Variants in CABP4 observed in about 807,000 individuals in gnomAD.
The protein encoded by CABP4 is calcium-binding protein 4.
In CABP4, 30 loss-of-function variants were observed where a neutral mutation model predicts 30.7. That is an observed-to-expected ratio of 0.98 (90% CI 0.73 to 1.33). CABP4 has a LOEUF of 1.33. Ranked by LOEUF, CABP4 falls within the 40% of genes most tolerant of loss-of-function variation. CABP4 has a pLI of 0.00. For missense variants in CABP4, 424 were observed against 395.5 expected, an observed-to-expected ratio of 1.07 and a Z score of -0.61; for synonymous variants, 161 against 159.2, an observed-to-expected ratio of 1.01 and a Z score of -0.08.
At chr11:67,452,626 C>G, upstream of CABP4, 1 of 1,613,706 alleles carries the variant, frequency 6.2e-7, no homozygotes, top group South Asian at 1.1e-5. Context: ...CCAGGAAGAC[C>G]GTGTCCCAGC....
chr11:67,458,590 C>T (rs748398641), intron 5 of CABP4, 41 bp from the exon 6 acceptor site: 1 of 1,614,170 alleles, frequency 6.2e-7, no homozygotes, highest in Non-Finnish European at 8.5e-7. Context: ...CCTGGGATCC[C>T]TGACGTGGAC....
chr11:67,452,676 G>A (rs377022444), upstream of CABP4: 193 of 1,600,566 alleles, frequency 1.2e-4, no homozygotes, highest in Non-Finnish European at 1.6e-4. Context: ...AGCTCTGTGC[G>A]GGGCCTGTGG....
At chr11:67,452,697 C>T, upstream of CABP4, 1 of 1,585,428 alleles carries the variant, frequency 6.3e-7, no homozygotes, top group South Asian at 1.1e-5. Context: ...CCAGTGGCAC[C>T]CAGGTCAGCT....
In CABP4 at chr11:67,458,393, G is replaced by T. The variant is rs200848734; in HGVS notation, c.674G>T (p.Arg225Leu). 29 of 1,612,806 alleles carry T rather than the reference G, an allele frequency of 1.8e-5. No individual in the cohort carries two copies. The highest frequency in any genetic ancestry group is 2.4e-5 in the Non-Finnish European group (28 of 1,179,130). Reference protein sequence around the residue: ...FREFDRDRDGRITVAELREAV... With the variant: ...FREFDRDRDGLITVAELREAV... ...TAGTTTGACAGGGACAGGGATGGAC[G>T]AATTACGGTGGCGGAGCTGCGGGAG... Residue 225 changes from arginine to leucine, a missense_variant, in exon 5 of 6, where the codon CGA (arginine) becomes CTA (leucine). By Grantham distance (102) the Arg-to-Leu change is moderately radical (BLOSUM62 -2). Transcript: ENST00000325656.
At chr11:67,454,909 C>T (rs1287256559), upstream of CABP4, among the ~76,000 whole-genome samples, 2 of 152,204 alleles carry the variant, frequency 1.3e-5, no homozygotes, top group East Asian at 3.9e-4. Flanking sequence ...CAGGATGTCA[C>T]CCATGGGGGG....
rs148140510 is a variant in CABP4, at chr11:67,455,665, C to T, written c.242C>T (p.Ala81Val). 343 of 1,609,330 alleles carry T rather than the reference C, an allele frequency of 2.1e-4. No homozygotes were observed. Among genetic ancestry groups the T allele is most frequent in the Middle Eastern group, 1.7e-3 (10 of 6,058 alleles). Residue 81 changes from alanine to valine, a missense_variant, in exon 1 of 6, where the codon GCG (alanine) becomes GTG (valine). Coordinates refer to ENST00000325656, the MANE Select transcript of CABP4 (RefSeq NM_145200.5). ...NNPPSTGEGP[A>V]GAPPASPGPA... ...CCTCCCAGCACTGGAGAGGGGCCGG[C>T]GGGCGCACCCCCTGCATCCCCTGGG...
rs1478080721 is a variant in CABP4, at chr11:67,460,130, A to G, written c.*1471A>G. 1 of 152,250 alleles carries G rather than the reference A, an allele frequency of 6.6e-6. No individual in the cohort carries two copies. The highest frequency in any genetic ancestry group is 1.5e-5 in the Non-Finnish European group (1 of 68,056). The allele number at this position is 152,250 out of a possible 1,614,324, so 9.4% of individuals were successfully genotyped here. A position where few individuals can be genotyped will look rare whatever the true frequency, so the allele number is the denominator to read the frequency against. On this transcript the variant is annotated 3_prime_UTR_variant, in exon 6 of 6. Coordinates refer to ENST00000325656, the MANE Select transcript of CABP4 (RefSeq NM_145200.5). Reference sequence around the variant, plus strand: ...GGGGAAGAGAGATCAACATGCAGTAACAGGATAGTATGAAGAGAGAACCGG... The same window carrying G: ...GGGGAAGAGAGATCAACATGCAGTAGCAGGATAGTATGAAGAGAGAACCGG...
At position 67,459,014 on chromosome 11, in the gene CABP4, A is replaced by G. The variant is rs1591006160; in HGVS notation, c.*355A>G. On this transcript the variant is annotated 3_prime_UTR_variant, in exon 6 of 6. Coordinates refer to ENST00000325656, the MANE Select transcript of CABP4 (RefSeq NM_145200.5). ...CATGATGAATGGAGAGGATGGCTGG[A>G]CCCCTTCCACTACTTATGTTTATAA... 1 of 373,892 alleles carries G rather than the reference A, an allele frequency of 2.7e-6. No homozygotes were observed. The highest frequency in any genetic ancestry group is 5.0e-6 in the Non-Finnish European group (1 of 201,154). The allele number at this position is 373,892 out of a possible 1,614,324, so 23.2% of individuals were successfully genotyped here.
upstream of CABP4, chr11:67,455,280 C>G: frequency 1.7e-6 from 2 of 1,164,572 alleles, no homozygotes; most frequent in Non-Finnish European, 2.4e-6. Flanking sequence ...GCCAGGGCTG[C>G]CTGCCTCACT....
At position 67,455,458 on chromosome 11, in the gene CABP4, C is replaced by G; in HGVS notation, c.35C>G (p.Pro12Arg). ...TTEQARGQQG[P>R]NLAIGRQKPP... ...GAGCAGGCAAGGGGGCAGCAGGGCC[C>G]AAATCTGGCCATTGGCCGTCAGAAG... Residue 12 changes from proline (P) to arginine (R), a missense_variant, in exon 1 of 6, where the codon CCA (proline) becomes CGA (arginine). Physicochemically the swap from Pro to Arg is moderately radical, Grantham distance 103 (BLOSUM62 -2). Transcript: ENST00000325656. The G allele has an allele frequency of 1.2e-6, 2 of 1,611,530 alleles. No homozygotes were observed. Among genetic ancestry groups the G allele is most frequent in the Non-Finnish European group, 1.7e-6 (2 of 1,179,586 alleles).
chr11:67,457,295 C>A (rs957108914), intron 3 of CABP4, among the ~76,000 whole-genome samples: 3 of 152,170 alleles, frequency 2.0e-5, no homozygotes, highest in Non-Finnish European at 4.4e-5. Flanking sequence ...ATGCCACGCA[C>A]ATCAGCAGCA....
rs3835327 is a variant in CABP4 at position 67,459,039 on chromosome 11, AT to A, written c.*394del. ...ACCCCTTCCACTACTTATGTTTATAATTTTTTTTTTTTTTAATGAACTTGAG... is the reference window on the plus strand; with the variant it reads ...ACCCCTTCCACTACTTATGTTTATAATTTTTTTTTTTTTAATGAACTTGAG... On this transcript the variant is annotated 3_prime_UTR_variant, in exon 6 of 6. Transcript: ENST00000325656. 0.085 allele frequency: 19,174 copies of A among 224,672 alleles called. No individual in the cohort carries two copies. Among genetic ancestry groups the A allele is most frequent in the South Asian group, 0.18 (2,913 of 16,376 alleles). The allele number at this position is 224,672 out of a possible 1,614,324, so 13.9% of individuals were successfully genotyped here. A position where few individuals can be genotyped will look rare whatever the true frequency, so the allele number is the denominator to read the frequency against.
chr11:67,452,983 T>TCTACAC, upstream of CABP4: 1 of 398,526 alleles, frequency 2.5e-6, no homozygotes. Context: ...GGAAGGGAGG[T>TCTACAC]GCCAGGGCTC....
intron 2 of CABP4, 28 bp downstream of exon 2, chr11:67,456,246 G>A (rs767093341): frequency 1.2e-6 from 2 of 1,613,632 alleles, no homozygotes; most frequent in Non-Finnish European, 1.7e-6. Flanking sequence ...CTGGCAGGGG[G>A]TGGGAGCTGT....
chr11:67,456,490 G>A (rs372610357), intron 3 of CABP4, 48 bp downstream of exon 3: 43 of 1,598,516 alleles, frequency 2.7e-5, no homozygotes, highest in South Asian at 4.4e-5. Context: ...AGTTCAGGGG[G>A]TCACGAGGGG....
upstream of CABP4, chr11:67,452,975 A>T (rs899173148): frequency 9.6e-6 from 4 of 417,598 alleles, no homozygotes; most frequent in Non-Finnish European, 1.7e-5. Flanking sequence ...TGAAGGTAGG[A>T]AGGGAGGTGC....
Position 67,456,218 on chromosome 11 carries a change from G to T in CABP4, c.397G>T (p.Glu133Ter). The T allele has an allele frequency of 6.2e-7, 1 of 1,613,562 alleles. No individual in the cohort carries two copies. The highest frequency in any genetic ancestry group is 8.5e-7 in the Non-Finnish European group (1 of 1,179,980). Residue 133 changes from glutamate (E) to a stop codon, truncating the protein, a stop_gained and splice_region_variant, in exon 2 of 6, where the codon GAG becomes TAG. Coordinates refer to ENST00000325656, the MANE Select transcript of CABP4 (RefSeq NM_145200.5). LOFTEE classifies it high-confidence loss of function. Reference sequence around the variant, plus strand: ...CGAACTGGGCCCCGAGGAGCTAGACGGTGAGTGGCTCTTGCTGCTGGCAGG... The same window carrying T: ...CGAACTGGGCCCCGAGGAGCTAGACTGTGAGTGGCTCTTGCTGCTGGCAGG... ...DRELGPEELD[E>*]LQAAFEEFDT...
rs1200908436 is a variant in CABP4 at position 67,455,773 on chromosome 11, ATCGAG to A, written c.353_357del (p.Arg118LeufsTer23). ...CAGAGGACATACGGGCCCCTGCTCA[ATCGAG>A]TCTTCGGGAAGGTTAGGTGGGACCT... is the stretch of plus-strand genomic sequence containing the variant. On this transcript the variant is annotated frameshift_variant, in exon 1 of 6. Coordinates refer to ENST00000325656, the MANE Select transcript of CABP4 (RefSeq NM_145200.5). LOFTEE classifies it high-confidence loss of function. 6.3e-7 allele frequency: 1 copy of A among 1,580,382 alleles called. No individual in the cohort carries two copies. Among genetic ancestry groups the A allele is most frequent in the South Asian group, 1.2e-5 (1 of 86,612 alleles).
chr11:67,456,196 A>G lies in CABP4; in HGVS notation c.375A>G (p.Glu125=). Residue 125 remains glutamate, a synonymous_variant, in exon 2 of 6, where the codon GAA becomes GAG. Coordinates refer to ENST00000325656, the MANE Select transcript of CABP4 (RefSeq NM_145200.5). The part of the protein sequence containing the change: ...LLNRVFGKDR[E]LGPEELDELQ... ...GGACTCTCCCCCTGCAGGACCGCGA[A>G]CTGGGCCCCGAGGAGCTAGACGGTG... 1 of 1,613,156 alleles carries G rather than the reference A, an allele frequency of 6.2e-7. No individual in the cohort carries two copies. The highest frequency in any genetic ancestry group is 8.5e-7 in the Non-Finnish European group (1 of 1,179,884).
Sources: gnomAD v4.1 joint callset for allele counts (sites outside exome capture counted in the v4.1 genomes callset) on GRCh38, gnomAD v4.1.1 for gene constraint, MANE v1.5 for transcripts, NCBI Gene and HGNC (gene_info 2026-07-23, HGNC 2026-07-21) for gene names.